Variants in GATAD1 observed in about 807,000 individuals in gnomAD.
The protein encoded by GATAD1 is GATA zinc finger domain-containing protein 1.
Under a neutral mutation model 26.5 loss-of-function variants are expected in GATAD1, and 12 were observed. The ratio of observed to expected loss-of-function variants is 0.45; its 90% CI spans 0.29 to 0.73. The LOEUF (loss-of-function observed/expected upper bound fraction) is 0.73. Ranked by LOEUF, GATAD1 falls within the 30% of genes least tolerant of loss-of-function variation. GATAD1 has a pLI of 0.10. For missense variants in GATAD1, 266 were observed against 342.1 expected, an observed-to-expected ratio of 0.78 and a Z score of 1.75; for synonymous variants, 129 against 133.1, an observed-to-expected ratio of 0.97 and a Z score of 0.21.
chr7:92,450,613 T>C, intron 2 of GATAD1, 88 bp from the exon 3 acceptor site: 1 of 779,804 alleles, frequency 1.3e-6, no homozygotes, highest in South Asian at 1.6e-5. Flanking sequence ...TTAGTACTTC[T>C]CAAATTGCAG....
At chr7:92,465,750 C>T in the GATAD1 span, among the ~76,000 whole-genome samples, 2 of 152,264 alleles carry the variant, frequency 1.3e-5, no homozygotes, top group Middle Eastern at 6.8e-3. Context: ...TGCCTGTAAT[C>T]CCCCACCTTG....
At position 92,454,410 on chromosome 7, in the gene GATAD1, A is replaced by G. The variant is rs1401047988; in HGVS notation, c.436-92A>G. The G allele has an allele frequency of 5.4e-6, 5 of 919,674 alleles. No homozygotes were observed. The African/African-American group carries it at 8.2e-5, about 15-fold the overall frequency. The allele number at this position is 919,674 out of a possible 1,614,324, so 57.0% of individuals were successfully genotyped here. A position where few individuals can be genotyped will look rare whatever the true frequency, so the allele number is the denominator to read the frequency against. On this transcript the variant is annotated intron_variant, in intron 3 of 4. Transcript: ENST00000287957. ...CTATCTCGAACACCTTTTACTGACC[A>G]CTTTGAAAACTTGCTTACCTATTAA... is the stretch of plus-strand genomic sequence containing the variant.
At chr7:92,492,964 T>G in the GATAD1 span, 1 of 1,613,404 alleles carries the variant, frequency 6.2e-7, no homozygotes, top group African/African-American at 1.3e-5. Context: ...TGGAGTCCAC[T>G]CGAGAGCAGC....
downstream of GATAD1, among the ~76,000 whole-genome samples, chr7:92,463,682 T>C (rs1469629726): frequency 7.1e-6 from 1 of 139,926 alleles, no homozygotes; most frequent in African/African-American, 2.6e-5. Context: ...AAAAAAAAGG[T>C]TGATACCTGG....
At chr7:92,451,545 G>A (rs1045757241) in intron 3 of GATAD1, among the ~76,000 whole-genome samples, 6 of 152,120 alleles carry the variant, frequency 3.9e-5, no homozygotes, top group African/African-American at 7.2e-5. Context: ...AAGTGATGAT[G>A]CCCTTAAGTA....
chr7:92,448,130 C>G (rs925898061), intron 1 of GATAD1, 152 bp downstream of exon 1: 3 of 457,524 alleles, frequency 6.6e-6, no homozygotes, highest in East Asian at 4.3e-5. Context: ...TGAGATCTTT[C>G]GTTTGGCCCA....
intron 3 of GATAD1, among the ~76,000 whole-genome samples, chr7:92,451,921 A>G (rs1789451078): frequency 6.6e-6 from 1 of 152,242 alleles, no homozygotes; most frequent in Non-Finnish European, 1.5e-5. Context: ...GCCAGAGCTT[A>G]AGCCTAGAGC....
chr7:92,479,468 C>CA, the GATAD1 span, among the ~76,000 whole-genome samples: 1 of 152,112 alleles, frequency 6.6e-6, no homozygotes, highest in African/African-American at 2.4e-5. Flanking sequence ...GGAATGTCAT[C>CA]GGTTAAGGCA....
chr7:92,447,528 C>A lies in GATAD1; in HGVS notation c.-202C>A, dbSNP rs1188034178. On this transcript the variant is annotated 5_prime_UTR_variant, in exon 1 of 5. Transcript: ENST00000287957. ...GTGCCTCGGGCCAGGGAATCCTGGCCTCCGCCTGCGGAGCCGGCGGAACCC... is the reference window on the plus strand; with the variant it reads ...GTGCCTCGGGCCAGGGAATCCTGGCATCCGCCTGCGGAGCCGGCGGAACCC... The A allele has an allele frequency of 9.6e-6, 5 of 522,534 alleles. No homozygotes were observed. The highest frequency in any genetic ancestry group is 1.2e-5 in the Non-Finnish European group (4 of 340,308). 32.4% of individuals were successfully genotyped at this position (522,534 alleles called of 1,614,324 possible).
At chr7:92,472,288 G>C in the GATAD1 span, 32 of 152,338 alleles carry the variant, frequency 2.1e-4, no homozygotes, top group African/African-American at 7.5e-4. Context: ...TTAGCAGTGA[G>C]TATGCCATTC....
intron 2 of GATAD1, chr7:92,449,445 G>A (rs528128251): frequency 1.0e-6 from 1 of 976,532 alleles, no homozygotes; most frequent in African/African-American, 1.7e-5. Flanking sequence ...GTAGTTGAAA[G>A]CATATTTTTA....
the GATAD1 span, among the ~76,000 whole-genome samples, chr7:92,481,491 C>A: frequency 6.6e-6 from 1 of 152,186 alleles, no homozygotes; most frequent in Admixed American, 6.5e-5. Context: ...GCGGAAGCTA[C>A]CGCATGGAGA....
the GATAD1 span, chr7:92,493,170 T>C: frequency 9.2e-7 from 1 of 1,082,360 alleles, no homozygotes; most frequent in Non-Finnish European, 1.4e-6. Flanking sequence ...AAAAATAAAA[T>C]TAAAAATATT....
At chr7:92,488,501 T>C in the GATAD1 span, among the ~76,000 whole-genome samples, 3 of 152,180 alleles carry the variant, frequency 2.0e-5, no homozygotes, top group African/African-American at 7.2e-5. Flanking sequence ...CTCAGATGCA[T>C]AGGTGGCCAT....
downstream of GATAD1, among the ~76,000 whole-genome samples, chr7:92,464,935 T>C (rs963276951): frequency 6.6e-6 from 1 of 152,200 alleles, no homozygotes; most frequent in African/African-American, 2.4e-5. Flanking sequence ...TCTAGGCAAA[T>C]AAAATTTGAT....
At chr7:92,450,476 T>C (rs1789380430) in intron 2 of GATAD1, 2 of 531,878 alleles carry the variant, frequency 3.8e-6, no homozygotes, top group South Asian at 4.7e-5. Flanking sequence ...ATCAGAAGGT[T>C]GTCCTTTGTC....
chr7:92,476,504 A>G, the GATAD1 span, among the ~76,000 whole-genome samples: 1 of 152,216 alleles, frequency 6.6e-6, no homozygotes, highest in Non-Finnish European at 1.5e-5. Flanking sequence ...AAGACCTTCA[A>G]TTATCAAGTA....
rs1260312777 is a variant in GATAD1, at chr7:92,454,515, A to G, written c.449A>G (p.Gln150Arg). The change falls in exon 4 of 5, where the codon CAA becomes CGA. Residue 150 changes from glutamine to arginine, a missense_variant. By Grantham distance (43) the Gln-to-Arg change is conservative. Coordinates refer to ENST00000287957, the MANE Select transcript of GATAD1 (RefSeq NM_021167.5). ...ESIFYKGVYY[Q>R]IGDVVSVIDE... ...TGTTTCCCCCAGGGAGTATATTACC[A>G]AATTGGTGATGTTGTTTCTGTGATT... is the stretch of plus-strand genomic sequence containing the variant. The G allele has an allele frequency of 6.2e-7, 1 of 1,609,916 alleles. No homozygotes were observed. Among genetic ancestry groups the G allele is most frequent in the Non-Finnish European group, 8.5e-7 (1 of 1,176,310 alleles).
downstream of GATAD1, among the ~76,000 whole-genome samples, chr7:92,462,257 TA>T (rs1223529798): frequency 6.6e-6 from 1 of 152,088 alleles, no homozygotes; most frequent in Non-Finnish European, 1.5e-5. Context: ...AATAGAATTT[TA>T]TGCTGTCATC....
Sources: gnomAD v4.1 joint callset for allele counts (sites outside exome capture counted in the v4.1 genomes callset) on GRCh38, gnomAD v4.1.1 for gene constraint, MANE v1.5 for transcripts, NCBI Gene and HGNC (gene_info 2026-07-23, HGNC 2026-07-21) for gene names.